LIMA1: variants seen among roughly 807,000 people sequenced by gnomAD.
LIMA1 encodes LIM domain and actin-binding protein 1.
LIMA1 carries 52 observed loss-of-function variants against 62.6 expected under a neutral mutation model. The observed-to-expected ratio is 0.83, with a 90% CI of 0.67 to 1.05. The LOEUF (loss-of-function observed/expected upper bound fraction) is 1.05. Among genes scored for constraint, LIMA1 ranks in the 50% least tolerant of loss-of-function variants. The pLI, the probability that LIMA1 is intolerant of heterozygous loss-of-function variation, is 0.00. For missense variants in LIMA1, 780 were observed against 902.2 expected (o/e 0.86, Z 1.74); for synonymous variants, 302 against 317.8 (o/e 0.95, Z 0.53).
chr12:50,204,408 A>T (rs187993830), intron 6 of LIMA1, 144 bp downstream of exon 6: 18 of 897,894 alleles, frequency 2.0e-5, no homozygotes. Context: ...AAATCCAGCG[A>T]GGGTAGGGTT....
At chr12:50,182,825 A>G (rs1348075454) in intron 9 of LIMA1, among the ~76,000 whole-genome samples, 2 of 152,214 alleles carry the variant, frequency 1.3e-5, no homozygotes, top group East Asian at 1.9e-4. Context: ...GATAAACTCA[A>G]TCCTAAAGAA....
At chr12:50,262,622 GTAAAATAAAA>G (rs10539278) in intron 1 of LIMA1, among the ~76,000 whole-genome samples, 4,434 of 143,416 alleles carry the variant, frequency 0.031, 154 homozygotes, top group African/African-American at 0.086. Context: ...AAAAAATAAA[GTAAAATAAAA>G]TAAAATAAAA....
At chr12:50,272,592 C>CA (rs1004308971) in intron 1 of LIMA1, among the ~76,000 whole-genome samples, 39,266 of 95,076 alleles carry the variant, frequency 0.41, 6,519 homozygotes, top group South Asian at 0.55. Flanking sequence ...AACTCCGTCT[C>CA]AAAAAAAAAA....
At chr12:50,192,103 T>A (rs1219935835) in intron 9 of LIMA1, among the ~76,000 whole-genome samples, 1 of 145,450 alleles carries the variant, frequency 6.9e-6, no homozygotes, top group East Asian at 2.0e-4. Flanking sequence ...GCCACTGCAC[T>A]CCAGCCTGGG....
chr12:50,221,651 C>T lies in LIMA1; in HGVS notation c.630+370G>A, dbSNP rs577807079. Among the ~76,000 whole-genome samples the T allele has an allele frequency of 1.1e-4, 16 of 152,318 alleles. No homozygotes were observed. In the South Asian group the frequency reaches 2.5e-3, roughly 24 times the overall value. Reference sequence around the variant, plus strand: ...TCCGGCCTTAACACTCAGTCTGCAGCTGTGTCCAAGCAGAGAGCTATTCAG... The same window carrying T: ...TCCGGCCTTAACACTCAGTCTGCAGTTGTGTCCAAGCAGAGAGCTATTCAG... On this transcript the variant is annotated intron_variant, in intron 4 of 10. Transcript: ENST00000341247.
At chr12:50,196,012 G>T in intron 7 of LIMA1, 125 bp from the exon 8 acceptor site, 2 of 919,078 alleles carry the variant, frequency 2.2e-6, no homozygotes, top group Non-Finnish European at 3.1e-6. Flanking sequence ...CTGCCTAGGG[G>T]AAATAACGGG....
At chr12:50,231,882 C>T (rs1251975805) in intron 2 of LIMA1, among the ~76,000 whole-genome samples, 172 bp from the exon 3 acceptor site, 1 of 152,064 alleles carries the variant, frequency 6.6e-6, no homozygotes, top group African/African-American at 2.4e-5. Flanking sequence ...ATTCTCCTGT[C>T]TCAGCCTCCA....
chr12:50,232,571 G>A (rs1373334237), intron 2 of LIMA1, among the ~76,000 whole-genome samples: 1 of 152,022 alleles, frequency 6.6e-6, no homozygotes, highest in Non-Finnish European at 1.5e-5. Context: ...GTTTCACCAT[G>A]TTGACCAGGC....
At position 50,206,168 on chromosome 12, in the gene LIMA1, GATTTTAT is replaced by G. The variant is rs1310616709; in HGVS notation, c.631-107_631-101del. The G allele has an allele frequency of 5.9e-6, 5 of 849,080 alleles. No individual in the cohort carries two copies. The Admixed American group carries it at 7.7e-5, about 13-fold the overall frequency. 52.6% of individuals were successfully genotyped at this position (849,080 alleles called of 1,614,324 possible). A position where few individuals can be genotyped will look rare whatever the true frequency, so the allele number is the denominator to read the frequency against. ...TTCTTTATAAATAAAATCCAGATTT[GATTTTAT>G]ATTTTATATTCTATAGAATTTTTTT... On this transcript the variant is annotated intron_variant, in intron 4 of 10. Coordinates refer to ENST00000341247, the MANE Select transcript of LIMA1 (RefSeq NM_016357.5).
intron 2 of LIMA1, among the ~76,000 whole-genome samples, chr12:50,247,919 G>A (rs1220820035): frequency 6.6e-6 from 1 of 152,020 alleles, no homozygotes; most frequent in African/African-American, 2.4e-5. Flanking sequence ...ATGAGCCACC[G>A]CGCCTGACCG....
intron 6 of LIMA1, among the ~76,000 whole-genome samples, chr12:50,202,922 G>A (rs1941080188): frequency 6.6e-6 from 1 of 151,884 alleles, no homozygotes. Flanking sequence ...AATGCTTGAA[G>A]GATACAAAAA....
chr12:50,222,635 G>T, intron 3 of LIMA1, 150 bp from the exon 4 acceptor site: 1 of 1,533,210 alleles, frequency 6.5e-7, no homozygotes, highest in Non-Finnish European at 8.7e-7. Context: ...CTTGCCACAT[G>T]GAGAAAGCAT....
chr12:50,213,396 C>G (rs776392293), intron 4 of LIMA1, among the ~76,000 whole-genome samples: 3 of 152,236 alleles, frequency 2.0e-5, no homozygotes, highest in Non-Finnish European at 2.9e-5. Flanking sequence ...AGAAGGGGTA[C>G]TACCCAATTT....
intron 4 of LIMA1, among the ~76,000 whole-genome samples, chr12:50,212,282 C>T (rs1045448288): frequency 1.3e-5 from 2 of 152,026 alleles, no homozygotes; most frequent in Non-Finnish European, 2.9e-5. Context: ...CACTTAGCCA[C>T]TTCCTTCAAC....
intron 4 of LIMA1, 26 bp from the exon 5 acceptor site, chr12:50,206,094 T>G: frequency 6.3e-7 from 1 of 1,598,174 alleles, no homozygotes; most frequent in Non-Finnish European, 8.6e-7. Context: ...CAACGATAAG[T>G]TTTGCAGAAA....
chr12:50,186,459 G>A (rs1389135580), intron 9 of LIMA1: 2 of 152,664 alleles, frequency 1.3e-5, no homozygotes, highest in Non-Finnish European at 2.9e-5. Context: ...CTGGTGGTTT[G>A]ACTCCTGCAT....
intron 9 of LIMA1, among the ~76,000 whole-genome samples, chr12:50,190,477 C>T (rs1940733833): frequency 6.6e-6 from 1 of 151,004 alleles, no homozygotes; most frequent in Non-Finnish European, 1.5e-5. Flanking sequence ...AAGCAATTCT[C>T]CTGCCTCGGC....
chr12:50,198,068 T>C (rs1204800602), intron 7 of LIMA1, among the ~76,000 whole-genome samples: 1 of 152,256 alleles, frequency 6.6e-6, no homozygotes, highest in Non-Finnish European at 1.5e-5. Flanking sequence ...ACATTTGTGA[T>C]GTTTTTATAA....
intron 10 of LIMA1, among the ~76,000 whole-genome samples, chr12:50,178,966 A>ATTTTTTTTTTTTTTTTTTT (rs1555203081): frequency 9.3e-5 from 12 of 128,952 alleles, no homozygotes; most frequent in East Asian, 2.1e-4. Context: ...ATATATATAT[A>ATTTTTTTTTTTTTTTTTTT]TTTTTTTTTT....
Sources: gnomAD v4.1 joint callset for allele counts (sites outside exome capture counted in the v4.1 genomes callset) on GRCh38, gnomAD v4.1.1 for gene constraint, MANE v1.5 for transcripts, NCBI Gene and HGNC (gene_info 2026-07-23, HGNC 2026-07-21) for gene names.